Variants in CDH18 observed in about 807,000 individuals in gnomAD.
CDH18 encodes cadherin 18, also known as cadherin-18.
CDH18 carries 31 observed loss-of-function variants against 67.9 expected under a neutral mutation model. The observed-to-expected ratio is 0.46, with a 90% CI of 0.34 to 0.62. The LOEUF (loss-of-function observed/expected upper bound fraction) is 0.62. Among genes scored for constraint, CDH18 ranks in the 20% least tolerant of loss-of-function variants. The pLI is 0.01. For synonymous variants in CDH18, 362 were observed against 347.2 expected, an observed-to-expected ratio of 1.04 and a Z score of -0.48; for missense variants, 890 against 975.5, an observed-to-expected ratio of 0.91 and a Z score of 1.17.
intron 5 of CDH18, among the ~76,000 whole-genome samples, chr5:19,680,533 T>A (rs1415605977): frequency 6.6e-6 from 1 of 151,776 alleles, no homozygotes; most frequent in Non-Finnish European, 1.5e-5. Context: ...ATCTAATAAA[T>A]GTATAATAGC....
At chr5:19,742,834 A>T (rs1009762665) in intron 4 of CDH18, among the ~76,000 whole-genome samples, 2 of 152,142 alleles carry the variant, frequency 1.3e-5, no homozygotes, top group African/African-American at 4.8e-5. Context: ...AGTATATGAT[A>T]AAAAAAGTAA....
At chr5:20,190,095 C>T (rs888640069) in intron 2 of CDH18, among the ~76,000 whole-genome samples, 2 of 152,138 alleles carry the variant, frequency 1.3e-5, no homozygotes, top group Admixed American at 6.6e-5. Flanking sequence ...TCTTCCAGTA[C>T]TCTCTGGGTC....
At chr5:20,171,612 T>A (rs1018505776) in intron 2 of CDH18, among the ~76,000 whole-genome samples, 1 of 152,040 alleles carries the variant, frequency 6.6e-6, no homozygotes, top group African/African-American at 2.4e-5. Context: ...AGATGCTGGA[T>A]TTAGTCCTTT....
chr5:20,163,822 C>T (rs1232800917), intron 2 of CDH18, among the ~76,000 whole-genome samples: 1 of 152,116 alleles, frequency 6.6e-6, no homozygotes, highest in African/African-American at 2.4e-5. Flanking sequence ...GAAACAAAAT[C>T]AAAATGCATA....
At chr5:20,227,051 C>T (rs779901653) in intron 2 of CDH18, among the ~76,000 whole-genome samples, 8 of 152,174 alleles carry the variant, frequency 5.3e-5, no homozygotes, top group Non-Finnish European at 1.0e-4. Flanking sequence ...TGCCCATTTT[C>T]ACCTCTTTTT....
At chr5:20,406,571 T>C (rs955022998) in intron 1 of CDH18, among the ~76,000 whole-genome samples, 1 of 109,234 alleles carries the variant, frequency 9.2e-6, no homozygotes, top group Non-Finnish European at 2.2e-5. Context: ...AAACTTAAAG[T>C]ATAATAAAAA....
rs527705602 is a variant in CDH18, at chr5:19,771,372, G to A, written c.229-24136C>T. Among the ~76,000 whole-genome samples, 3 of 152,298 alleles carry A rather than the reference G, an allele frequency of 2.0e-5. 1 individual carries two copies. Among genetic ancestry groups the A allele is most frequent in the African/African-American group, 7.2e-5 (3 of 41,566 alleles). On this transcript the variant is annotated intron_variant, in intron 3 of 12. Transcript: ENST00000382275. ...CTCTCTATCTTGGAGCCCTCACTCA[G>A]GGCAGAAAGCTGCCATGCATGAGAA...
chr5:19,588,882 A>G (rs1744653551), intron 7 of CDH18, among the ~76,000 whole-genome samples: 1 of 152,152 alleles, frequency 6.6e-6, no homozygotes. Flanking sequence ...ATACAGGAGT[A>G]CCCAGATTCA....
At chr5:19,911,736 G>A (rs1035555972) in intron 2 of CDH18, among the ~76,000 whole-genome samples, 3 of 152,008 alleles carry the variant, frequency 2.0e-5, no homozygotes, top group African/African-American at 7.2e-5. Context: ...GAGAATTAAT[G>A]TTGGTGATTT....
chr5:19,640,837 AT>A (rs547566432), intron 5 of CDH18, among the ~76,000 whole-genome samples: 219 of 152,158 alleles, frequency 1.4e-3, no homozygotes, highest in African/African-American at 4.3e-3. Flanking sequence ...AATAAAAAAA[AT>A]ATAAGGATTA....
At chr5:19,854,532 A>G (rs115072851) in intron 2 of CDH18, among the ~76,000 whole-genome samples, 144 of 152,254 alleles carry the variant, frequency 9.5e-4, no homozygotes, top group East Asian at 4.4e-3. Context: ...ACTCATGGAA[A>G]ATGACATATG....
intron 3 of CDH18, among the ~76,000 whole-genome samples, chr5:19,759,182 G>A (rs1345193450): frequency 6.6e-6 from 1 of 152,216 alleles, no homozygotes; most frequent in African/African-American, 2.4e-5. Flanking sequence ...TGGAGTCACT[G>A]CTTGGTTAAG....
chr5:20,304,994 T>C (rs999465022), intron 1 of CDH18: 11 of 1,613,818 alleles, frequency 6.8e-6, no homozygotes, highest in African/African-American at 1.3e-5. Context: ...TAGGCATTTC[T>C]GACACAAGCT....
intron 10 of CDH18, among the ~76,000 whole-genome samples, chr5:19,511,848 C>T (rs1217762356): frequency 6.6e-6 from 1 of 152,124 alleles, no homozygotes; most frequent in Non-Finnish European, 1.5e-5. Flanking sequence ...AAGACAAAAC[C>T]ATTTTCTGAG....
intron 1 of CDH18, among the ~76,000 whole-genome samples, chr5:20,336,703 A>G (rs892632130): frequency 2.4e-5 from 3 of 125,186 alleles, no homozygotes; most frequent in African/African-American, 9.0e-5. Context: ...AGCCTGGGCA[A>G]CAGAGAGGGA....
At chr5:20,346,674 G>T (rs1740726812) in intron 1 of CDH18, among the ~76,000 whole-genome samples, 1 of 152,188 alleles carries the variant, frequency 6.6e-6, no homozygotes, top group South Asian at 2.1e-4. Flanking sequence ...TTACAAATAT[G>T]CCAGTATCTA....
At chr5:20,407,153 G>A (rs1562040203) in intron 1 of CDH18, among the ~76,000 whole-genome samples, 2 of 152,264 alleles carry the variant, frequency 1.3e-5, no homozygotes, top group Middle Eastern at 6.8e-3. Context: ...ACTTGCCACA[G>A]CTATCTGGCT....
intron 2 of CDH18, among the ~76,000 whole-genome samples, chr5:19,964,191 T>C (rs574877692): frequency 6.6e-6 from 1 of 152,130 alleles, no homozygotes; most frequent in South Asian, 2.1e-4. Flanking sequence ...TAAAAAAGAG[T>C]ACATATCAGA....
intron 2 of CDH18, among the ~76,000 whole-genome samples, chr5:20,236,450 T>C (rs1050359561): frequency 2.0e-5 from 3 of 151,840 alleles, no homozygotes; most frequent in African/African-American, 7.2e-5. Context: ...CTTTATATAC[T>C]ACTATATTGA....
Sources: gnomAD v4.1 joint callset for allele counts (sites outside exome capture counted in the v4.1 genomes callset) on GRCh38, gnomAD v4.1.1 for gene constraint, MANE v1.5 for transcripts, NCBI Gene and HGNC (gene_info 2026-07-23, HGNC 2026-07-21) for gene names.